Variants in CLMN observed in about 807,000 individuals in gnomAD.
CLMN encodes the protein calmin, also known as calmin (calponin-like, transmembrane).
A neutral mutation model predicts 92.7 loss-of-function variants in CLMN; 57 were observed. The ratio of observed to expected loss-of-function variants is 0.61; its 90% CI spans 0.50 to 0.77. The LOEUF (loss-of-function observed/expected upper bound fraction) is 0.77. CLMN is among the 30% of genes least tolerant of loss of function. CLMN has a pLI of 0.00. For synonymous variants in CLMN, 466 were observed against 470.6 expected (o/e 0.99, Z 0.13); for missense variants, 1,158 against 1,237.5 (o/e 0.94, Z 0.96).
intron 1 of CLMN, among the ~76,000 whole-genome samples, chr14:95,297,251 C>G (rs1009552155): frequency 6.6e-6 from 1 of 152,176 alleles, no homozygotes; most frequent in Non-Finnish European, 1.5e-5. Flanking sequence ...GGTCACAGAA[C>G]CAAAATGGCC....
At chr14:95,195,712 A>G (rs913746788) in intron 10 of CLMN, among the ~76,000 whole-genome samples, 2 of 152,204 alleles carry the variant, frequency 1.3e-5, no homozygotes, top group Non-Finnish European at 2.9e-5. Flanking sequence ...AGTCCCACCA[A>G]TGTGTCTATA....
In CLMN at chr14:95,189,195, C is replaced by T. The variant is rs1279535356; in HGVS notation, c.*2369G>A. The T allele has an allele frequency of 1.3e-5, 2 of 152,168 alleles. No individual in the cohort carries two copies. The highest frequency in any genetic ancestry group is 4.8e-5 in the African/African-American group (2 of 41,420). 9.4% of individuals were successfully genotyped at this position (152,168 alleles called of 1,614,324 possible). On this transcript the variant is annotated 3_prime_UTR_variant, in exon 13 of 13. Transcript: ENST00000298912. The stretch of plus-strand genomic sequence containing the variant: ...GGTATGGTAAGAGTGAAATCCTCCT[C>T]TACTGTGACAGCAAGCCAGTAGATG...
At chr14:95,214,344 CTTTT>C (rs140176893) in intron 5 of CLMN, among the ~76,000 whole-genome samples, 8,196 of 108,888 alleles carry the variant, frequency 0.075, 220 homozygotes, top group Middle Eastern at 0.14. Context: ...GCTGCTGCTG[CTTTT>C]TTTTTTTTTT....
At chr14:95,200,158 C>T (rs1896836174) in intron 9 of CLMN, among the ~76,000 whole-genome samples, 1 of 152,014 alleles carries the variant, frequency 6.6e-6, no homozygotes, top group Non-Finnish European at 1.5e-5. Context: ...TACCCTTAGT[C>T]CCTCTACCCA....
intron 1 of CLMN, among the ~76,000 whole-genome samples, chr14:95,292,675 A>AG (rs1397859637): frequency 6.6e-6 from 1 of 152,040 alleles, no homozygotes; most frequent in African/African-American, 2.4e-5. Context: ...GGCTGGTGGT[A>AG]GGGGAGGGTG....
At chr14:95,195,541 C>T (rs28459993) in intron 10 of CLMN, among the ~76,000 whole-genome samples, 11,813 of 152,298 alleles carry the variant, frequency 0.078, 1,570 homozygotes, top group African/African-American at 0.27. Flanking sequence ...CAAATGCATA[C>T]CTCAATAGTT....
Position 95,191,254 on chromosome 14 carries a change from C to T in CLMN, c.*310G>A, listed in dbSNP as rs148186555. ...AATGTGGGGTGTGCTAAGATCCAGG[C>T]GGGCTAATGATCACTAACAATGCTC... On this transcript the variant is annotated 3_prime_UTR_variant, in exon 13 of 13. Coordinates refer to ENST00000298912, the MANE Select transcript of CLMN (RefSeq NM_024734.4). This position sits in a 1 kb window ranked among gnomAD's most constrained non-coding sequence, Gnocchi z 5.3. The T allele has an allele frequency of 8.6e-4, 167 of 195,004 alleles. 1 individual carries two copies. In the East Asian group the frequency reaches 0.017, roughly 20 times the overall value. The allele number at this position is 195,004 out of a possible 1,614,324, so 12.1% of individuals were successfully genotyped here.
intron 1 of CLMN, among the ~76,000 whole-genome samples, chr14:95,242,487 T>C (rs988845935): frequency 2.6e-5 from 4 of 152,020 alleles, no homozygotes; most frequent in Non-Finnish European, 4.4e-5. Flanking sequence ...CTCGAGCTCC[T>C]GACCTCAAGT....
chr14:95,185,230 C>T lies in CLMN; in HGVS notation c.*6334G>A, dbSNP rs1896414990. The stretch of plus-strand genomic sequence containing the variant: ...CAAAGTCTGTGCACCGGGCTCACTT[C>T]CATGAGCTGCTGACTGCTGTTTTCC... On this transcript the variant is annotated 3_prime_UTR_variant, in exon 13 of 13. Coordinates refer to ENST00000298912, the MANE Select transcript of CLMN (RefSeq NM_024734.4). The T allele has an allele frequency of 6.6e-6, 1 of 152,302 alleles. No homozygotes were observed. The highest frequency in any genetic ancestry group is 2.4e-5 in the African/African-American group (1 of 41,466). 9.4% of individuals were successfully genotyped at this position (152,302 alleles called of 1,614,324 possible).
At chr14:95,291,278 G>A (rs1033687429) in intron 1 of CLMN, among the ~76,000 whole-genome samples, 5 of 152,188 alleles carry the variant, frequency 3.3e-5, no homozygotes, top group South Asian at 2.1e-4. Flanking sequence ...TGTTGCAGGC[G>A]CCTGTGAAAT....
intron 1 of CLMN, among the ~76,000 whole-genome samples, chr14:95,304,230 G>A (rs1901177463): frequency 6.6e-6 from 1 of 152,080 alleles, no homozygotes; most frequent in Admixed American, 6.5e-5. Flanking sequence ...CAGCTACTTG[G>A]GAGACTGAGG....
intron 1 of CLMN, among the ~76,000 whole-genome samples, chr14:95,238,877 G>C (rs1898148449): frequency 1.3e-5 from 2 of 152,110 alleles, no homozygotes; most frequent in South Asian, 4.1e-4. Context: ...CTTCTCAGCT[G>C]CTCCAAAACA....
chr14:95,270,110 C>T (rs1884535), intron 1 of CLMN, among the ~76,000 whole-genome samples: 11,450 of 152,210 alleles, frequency 0.075, 1,156 homozygotes, highest in East Asian at 0.42. Context: ...GGCCAGGACT[C>T]GGGCACTTAG....
At chr14:95,305,087 A>G (rs7148454) in intron 1 of CLMN, among the ~76,000 whole-genome samples, 97,635 of 152,144 alleles carry the variant, frequency 0.64, 32,483 homozygotes, top group East Asian at 0.93. Flanking sequence ...AGCGAAGCCA[A>G]GAGAAAGGGT....
intron 1 of CLMN, among the ~76,000 whole-genome samples, chr14:95,271,711 A>T (rs891343663): frequency 6.6e-6 from 1 of 152,196 alleles, no homozygotes; most frequent in Non-Finnish European, 1.5e-5. Context: ...TGTCTTGCTC[A>T]ATGAATTTTA....
At chr14:95,231,498 G>A (rs965315975) in intron 1 of CLMN, among the ~76,000 whole-genome samples, 5 of 152,022 alleles carry the variant, frequency 3.3e-5, no homozygotes, top group Non-Finnish European at 5.9e-5. Flanking sequence ...GCGCCCAGCC[G>A]CATTAAATCC....
intron 1 of CLMN, among the ~76,000 whole-genome samples, chr14:95,245,839 G>T (rs1047463738): frequency 1.6e-4 from 24 of 149,288 alleles, no homozygotes; most frequent in Non-Finnish European, 8.9e-5. Context: ...TAGGTGGGTG[G>T]GTGGGTGGAT....
At position 95,194,309 on chromosome 14, in the gene CLMN, A is replaced by G; in HGVS notation, c.2769+227T>C. 7.1e-7 allele frequency: 1 copy of G among 1,416,680 alleles called. No homozygotes were observed. 87.8% of individuals were successfully genotyped at this position (1,416,680 alleles called of 1,614,324 possible). ...TTTTGGGTGCGTTTTTATAGCAAGG[A>G]GGCCTTTGGGCTTTAAAATCCTCAC... On this transcript the variant is annotated intron_variant, in intron 11 of 12. Coordinates refer to ENST00000298912, the MANE Select transcript of CLMN (RefSeq NM_024734.4). This position sits in a 1 kb window ranked among gnomAD's most constrained non-coding sequence, Gnocchi z 4.0.
chr14:95,319,303 TCACACACACA>T (rs60670197), intron 1 of CLMN, among the ~76,000 whole-genome samples: 35 of 144,188 alleles, frequency 2.4e-4, no homozygotes, highest in South Asian at 9.1e-4. Flanking sequence ...GTGCGCGAAC[TCACACACACA>T]CACACACACA....
Sources: allele counts gnomAD v4.1 joint callset (sites outside exome capture counted in the v4.1 genomes callset), GRCh38; gene constraint gnomAD v4.1.1; non-coding constraint Gnocchi (gnomAD v3.1); transcripts MANE v1.5; gene names NCBI Gene and HGNC (gene_info 2026-07-23, HGNC 2026-07-21).